Variants in SFXN5 observed in about 807,000 individuals in gnomAD.
The protein encoded by SFXN5 is sideroflexin-5.
SFXN5 carries 43 observed loss-of-function variants against 50.2 expected under a neutral mutation model. The ratio of observed to expected loss-of-function variants is 0.86; its 90% confidence interval spans 0.67 to 1.11. The LOEUF is 1.11. SFXN5 is among the 50% of genes least tolerant of loss of function. SFXN5 has a pLI of 0.00. For synonymous variants in SFXN5, 203 were observed against 185.8 expected (o/e 1.09, Z -0.75); for missense variants, 463 against 454.1 (o/e 1.02, Z -0.18).
At chr2:72,987,998 C>G (rs561853885) in intron 10 of SFXN5, among the ~76,000 whole-genome samples, 1 of 152,220 alleles carries the variant, frequency 6.6e-6, no homozygotes, top group Non-Finnish European at 1.5e-5. Flanking sequence ...TCACAGGATC[C>G]GCTGCATTCT....
intron 2 of SFXN5, among the ~76,000 whole-genome samples, chr2:73,045,698 A>G (rs1028212824): frequency 4.6e-5 from 7 of 151,918 alleles, no homozygotes; most frequent in Non-Finnish European, 8.8e-5. Flanking sequence ...CTTGACCATT[A>G]CTAGAGTCGC....
intron 2 of SFXN5, among the ~76,000 whole-genome samples, chr2:73,050,385 A>AGT (rs1553523824): frequency 1.5e-5 from 1 of 66,388 alleles, no homozygotes; most frequent in African/African-American, 6.5e-5. Flanking sequence ...CCGCAGCCAC[A>AGT]GCGCACGCAC....
Position 73,025,016 on chromosome 2 carries a change from T to C in SFXN5, c.250-1802A>G, listed in dbSNP as rs200302687. Reference sequence around the variant, plus strand: ...TCTGCTATTCCAGACCCAGGCAGATTAGAAGCAGTCGATGTTTAAAAAATA... The same window carrying C: ...TCTGCTATTCCAGACCCAGGCAGATCAGAAGCAGTCGATGTTTAAAAAATA... On this transcript the variant is annotated intron_variant, in intron 3 of 13. Transcript: ENST00000272433. Among the ~76,000 whole-genome samples, 51 of 152,214 alleles carry C rather than the reference T, an allele frequency of 3.4e-4. No individual in the cohort carries two copies. The South Asian group carries it at 8.5e-3, about 25-fold the overall frequency.
rs1229593570 is a variant in SFXN5 at position 72,944,165 on chromosome 2, GGAA to G, written c.*854_*856del. Reference sequence around the variant, plus strand: ...GAACCCAGCATCCAGCCTGGGGCCTGGAAGGAGGATCTTCCCGAAGAGGCCAAG... The same window carrying G: ...GAACCCAGCATCCAGCCTGGGGCCTGGGAGGATCTTCCCGAAGAGGCCAAG... On this transcript the variant is annotated 3_prime_UTR_variant, in exon 14 of 14. Coordinates refer to ENST00000272433, the MANE Select transcript of SFXN5 (RefSeq NM_144579.3). 6.6e-6 allele frequency: 1 copy of G among 152,208 alleles called. No individual in the cohort carries two copies. Among genetic ancestry groups the G allele is most frequent in the East Asian group, 1.9e-4 (1 of 5,184 alleles). 9.4% of individuals were successfully genotyped at this position (152,208 alleles called of 1,614,324 possible).
chr2:73,006,628 C>CA (rs34991822), intron 6 of SFXN5, among the ~76,000 whole-genome samples: 28,360 of 141,524 alleles, frequency 0.2, 3,243 homozygotes, highest in South Asian at 0.33. Context: ...GAGATTATCT[C>CA]AAAAAAAAAA....
chr2:73,010,712 A>G (rs1277887172), intron 6 of SFXN5, among the ~76,000 whole-genome samples: 4 of 152,242 alleles, frequency 2.6e-5, no homozygotes, highest in Admixed American at 2.6e-4. Context: ...AAAATAAGAT[A>G]AGCTAGAACA....
At position 72,960,237 on chromosome 2, in the gene SFXN5, T is replaced by C. The variant is rs1298147783; in HGVS notation, c.945+894A>G. Among the ~76,000 whole-genome samples, 1 of 151,880 alleles carries C rather than the reference T, an allele frequency of 6.6e-6. No homozygotes were observed. The highest frequency in any genetic ancestry group is 1.5e-5 in the Non-Finnish European group (1 of 67,942). ...CAGGCTCCTCAACCCCGCGTGTCCA[T>C]CCAACTGACCCACTGCCCTCCCTCG... On this transcript the variant is annotated intron_variant, in intron 13 of 13. Transcript: ENST00000272433. This position sits in a 1 kb window ranked among gnomAD's most constrained non-coding sequence, Gnocchi z 6.1.
In SFXN5 at chr2:73,058,608, G is replaced by T. The variant is rs1479482873; in HGVS notation, c.103-12C>A. ...CCATAGAAGGACGTCTGAAGAAGAG[G>T]ATGAGAGAGAAGAGTGAATGGATCA... On this transcript the variant is annotated splice_polypyrimidine_tract_variant and intron_variant, in intron 1 of 13. Transcript: ENST00000272433. 5 of 1,613,276 alleles carry T rather than the reference G, an allele frequency of 3.1e-6. No individual in the cohort carries two copies. Among genetic ancestry groups the T allele is most frequent in the Non-Finnish European group, 4.2e-6 (5 of 1,179,378 alleles).
intron 10 of SFXN5, 44 bp from the exon 11 acceptor site, chr2:72,971,729 G>T (rs1670027949): frequency 6.8e-7 from 1 of 1,479,790 alleles, no homozygotes; most frequent in South Asian, 1.1e-5. Context: ...GGAGGAAGAT[G>T]GCATTCCACC....
intron 3 of SFXN5, among the ~76,000 whole-genome samples, chr2:73,039,977 A>C (rs1055899375): frequency 3.3e-5 from 5 of 151,614 alleles, no homozygotes; most frequent in African/African-American, 1.2e-4. Flanking sequence ...TGCCCGGCTG[A>C]TTTTTTGTCT....
Position 73,068,460 on chromosome 2 carries a change from C to G in SFXN5, c.102+3144G>C, listed in dbSNP as rs908468558. On this transcript the variant is annotated intron_variant, in intron 1 of 13. Transcript: ENST00000272433. ...TAGAGACACCCCAACTCTGGGATGT[C>G]TCAGCACTGATGAACCTTACACTGT... Among the ~76,000 whole-genome samples the G allele has an allele frequency of 2.0e-5, 3 of 152,170 alleles. No homozygotes were observed. The East Asian group carries it at 5.8e-4, about 29-fold the overall frequency.
In SFXN5 at chr2:73,001,927, T is replaced by C. The variant is rs1044545787; in HGVS notation, c.358-349A>G. ...GATTACTTTTGCACAATCTTAAATATTTCTGTATTCTTTTAAACAACAGAC... is the reference window on the plus strand; with the variant it reads ...GATTACTTTTGCACAATCTTAAATACTTCTGTATTCTTTTAAACAACAGAC... On this transcript the variant is annotated intron_variant, in intron 6 of 13. Coordinates refer to ENST00000272433, the MANE Select transcript of SFXN5 (RefSeq NM_144579.3). 7.9e-5 allele frequency among the ~76,000 whole-genome samples: 12 copies of C among 152,224 alleles called. No individual in the cohort carries two copies. In the East Asian group the frequency reaches 1.7e-3, roughly 22 times the overall value.
chr2:72,951,497 G>A (rs1672531465), intron 13 of SFXN5, among the ~76,000 whole-genome samples: 1 of 152,078 alleles, frequency 6.6e-6, no homozygotes, highest in Non-Finnish European at 1.5e-5. Context: ...AATGCATTTG[G>A]GGCCACCTCT....
intron 6 of SFXN5, among the ~76,000 whole-genome samples, chr2:73,014,179 T>C (rs1350567497): frequency 5.3e-5 from 8 of 152,200 alleles, no homozygotes; most frequent in Admixed American, 5.2e-4. Flanking sequence ...TTTCCAATTT[T>C]TTGCTATCAT....
intron 13 of SFXN5, among the ~76,000 whole-genome samples, chr2:72,946,140 G>A (rs1459405195): frequency 1.7e-5 from 2 of 121,206 alleles, no homozygotes; most frequent in East Asian, 2.8e-4. Context: ...TGCCCACTCC[G>A]GGGCCCCCTC....
chr2:72,993,920 G>A lies in SFXN5; in HGVS notation c.534+5029C>T, dbSNP rs573961771. 2.0e-5 allele frequency among the ~76,000 whole-genome samples: 3 copies of A among 152,308 alleles called. No homozygotes were observed. In the South Asian group the frequency reaches 6.2e-4, roughly 32 times the overall value. On this transcript the variant is annotated intron_variant, in intron 9 of 13. Coordinates refer to ENST00000272433, the MANE Select transcript of SFXN5 (RefSeq NM_144579.3). ...AAACACAGGCCCAGGAACTAAGTAT[G>A]AAGGTGAGCAGAGGGTTGAACTCTG...
chr2:72,969,354 C>T (rs1051394483), intron 11 of SFXN5, among the ~76,000 whole-genome samples: 8 of 152,102 alleles, frequency 5.3e-5, no homozygotes, highest in Non-Finnish European at 1.0e-4. Flanking sequence ...AAAGGAGGAC[C>T]GAGCTTCTGG....
chr2:72,959,789 C>T (rs539414850), intron 13 of SFXN5, among the ~76,000 whole-genome samples: 23 of 152,286 alleles, frequency 1.5e-4, no homozygotes, highest in South Asian at 1.0e-3. Flanking sequence ...ACTGCATTTA[C>T]GCAAGCCCCT....
At chr2:72,987,400 A>T (rs1378506713) in intron 10 of SFXN5, among the ~76,000 whole-genome samples, 2 of 151,802 alleles carry the variant, frequency 1.3e-5, no homozygotes, top group African/African-American at 4.8e-5. Context: ...GAGCTACCAC[A>T]CCCAGCCTAG....
Sources: gnomAD v4.1 joint callset for allele counts (sites outside exome capture counted in the v4.1 genomes callset) on GRCh38, gnomAD v4.1.1 for gene constraint, Gnocchi (gnomAD v3.1) non-coding constraint, MANE v1.5 for transcripts, NCBI Gene and HGNC (gene_info 2026-07-23, HGNC 2026-07-21) for gene names.